The following NARS2 variants were observed in gnomAD, a reference collection of about 807,000 sequenced individuals.
NARS2 encodes asparaginyl-tRNA synthetase 2, mitochondrial, also known as asparaginyl-tRNA synthetase.
A neutral mutation model predicts 62.9 loss-of-function variants in NARS2; 60 were observed. The ratio of observed to expected loss-of-function variants is 0.95; its 90% CI spans 0.77 to 1.18. The LOEUF (loss-of-function observed/expected upper bound fraction) is 1.18, where lower values mean the gene tolerates loss of function less well. NARS2 is among the 50% of genes most tolerant of loss of function. The pLI is 0.00. For synonymous variants in NARS2, 196 were observed against 200.0 expected (o/e 0.98, Z 0.17); for missense variants, 619 against 576.4 (o/e 1.07, Z -0.76).
intron 5 of NARS2, among the ~76,000 whole-genome samples, chr11:78,559,301 CAAAAAAAAAAAAAAA>C (rs10627726): frequency 3.4e-5 from 2 of 58,446 alleles, no homozygotes; most frequent in Admixed American, 3.0e-4. Flanking sequence ...GACTCCATCT[CAAAAAAAAAAAAAAA>C]AAAAAAAAAA....
intron 4 of NARS2, among the ~76,000 whole-genome samples, chr11:78,562,200 GA>G (rs960315271): frequency 1.3e-5 from 2 of 152,222 alleles, no homozygotes; most frequent in African/African-American, 4.8e-5. Flanking sequence ...GTCCAGGCAG[GA>G]TTGCTTGGGC....
intron 5 of NARS2, among the ~76,000 whole-genome samples, chr11:78,538,024 T>A (rs569789983): frequency 5.3e-5 from 8 of 152,288 alleles, no homozygotes; most frequent in Admixed American, 3.3e-4. Context: ...CTGTGTTGAG[T>A]AGCATGATGA....
chr11:78,568,959 T>C (rs1458862260), intron 2 of NARS2, among the ~76,000 whole-genome samples: 2 of 152,110 alleles, frequency 1.3e-5, no homozygotes, highest in African/African-American at 2.4e-5. Flanking sequence ...AAAATGGGAA[T>C]AGAGTTAAGA....
chr11:78,534,552 A>T (rs1179936034), intron 5 of NARS2, among the ~76,000 whole-genome samples: 2 of 152,212 alleles, frequency 1.3e-5, no homozygotes, highest in Non-Finnish European at 2.9e-5. Context: ...TGAGTGAATA[A>T]ATCAGAACTT....
chr11:78,480,891 C>T (rs1038743468), intron 7 of NARS2, among the ~76,000 whole-genome samples: 4 of 151,894 alleles, frequency 2.6e-5, no homozygotes, highest in Non-Finnish European at 4.4e-5. Context: ...CCATCTCAGC[C>T]CACTGCAGCC....
intron 11 of NARS2, 134 bp downstream of exon 11, chr11:78,465,742 A>C: frequency 9.9e-7 from 1 of 1,009,704 alleles, no homozygotes; most frequent in Non-Finnish European, 1.4e-6. Flanking sequence ...AAAAATTTTT[A>C]AGAGATGTCT....
chr11:78,534,344 G>C (rs1861589074), intron 5 of NARS2, among the ~76,000 whole-genome samples: 1 of 152,158 alleles, frequency 6.6e-6, no homozygotes, highest in Admixed American at 6.5e-5. Context: ...GTACTGACTG[G>C]CTTTTTAGTG....
chr11:78,523,033 A>G (rs1232945757), intron 6 of NARS2, among the ~76,000 whole-genome samples: 3 of 152,228 alleles, frequency 2.0e-5, no homozygotes, highest in Non-Finnish European at 2.9e-5. Context: ...TGCAAATCAT[A>G]TATTTAATAA....
intron 10 of NARS2, among the ~76,000 whole-genome samples, chr11:78,466,272 C>A (rs564227138): frequency 6.7e-6 from 1 of 149,570 alleles, no homozygotes; most frequent in Non-Finnish European, 1.5e-5. Flanking sequence ...TCCCCCACCC[C>A]CACCCCCCAG....
chr11:78,557,349 C>T (rs1183586872), intron 5 of NARS2, among the ~76,000 whole-genome samples: 1 of 152,158 alleles, frequency 6.6e-6, no homozygotes, highest in South Asian at 2.1e-4. Context: ...AATTCTTATG[C>T]TTCTACAGGC....
intron 6 of NARS2, among the ~76,000 whole-genome samples, chr11:78,500,181 T>C (rs567365213): frequency 5.9e-4 from 90 of 152,306 alleles, no homozygotes; most frequent in African/African-American, 2.0e-3. Flanking sequence ...GATGACTCAC[T>C]TTTTTAAGGT....
intron 2 of NARS2, among the ~76,000 whole-genome samples, chr11:78,570,017 T>C (rs1856866611): frequency 6.6e-6 from 1 of 152,100 alleles, no homozygotes; most frequent in African/African-American, 2.4e-5. Flanking sequence ...GGTAAAATTC[T>C]GTCTCTACTA....
chr11:78,453,371 C>T (rs1858040746), intron 11 of NARS2, among the ~76,000 whole-genome samples: 1 of 152,080 alleles, frequency 6.6e-6, no homozygotes, highest in Admixed American at 6.6e-5. Context: ...TCAAGCTGAA[C>T]AAACCCTGAT....
At chr11:78,568,481 C>T in intron 3 of NARS2, 151 bp downstream of exon 3, 3 of 831,284 alleles carry the variant, frequency 3.6e-6, no homozygotes, top group Non-Finnish European at 5.3e-6. Context: ...ATAATTTTTG[C>T]TACTGCCTCT....
intron 5 of NARS2, among the ~76,000 whole-genome samples, chr11:78,549,240 C>T (rs534641328): frequency 6.6e-6 from 1 of 152,330 alleles, no homozygotes; most frequent in Non-Finnish European, 1.5e-5. Context: ...GAGAGACAAG[C>T]CAAGAAACCT....
chr11:78,540,859 A>G lies in NARS2; in HGVS notation c.595-11923T>C, dbSNP rs536963055. On this transcript the variant is annotated intron_variant, in intron 5 of 13. Transcript: ENST00000281038. ...TTTCACGATACAGATAGTAAAGAAT[A>G]AAAAAATCTAAGTTAGATAAAACTT... is the stretch of plus-strand genomic sequence containing the variant. Among the ~76,000 whole-genome samples, 6 of 152,340 alleles carry G rather than the reference A, an allele frequency of 3.9e-5. No homozygotes were observed. In the East Asian group the frequency reaches 1.2e-3, roughly 29 times the overall value.
intron 6 of NARS2, among the ~76,000 whole-genome samples, chr11:78,503,462 T>C (rs1429212055): frequency 6.6e-6 from 1 of 152,124 alleles, no homozygotes; most frequent in African/African-American, 2.4e-5. Flanking sequence ...GGTATTGAAC[T>C]CCTGACCTCA....
intron 6 of NARS2, among the ~76,000 whole-genome samples, chr11:78,504,434 GT>G (rs758781275): frequency 0.42 from 25,574 of 61,232 alleles, 2,184 homozygotes; most frequent in South Asian, 0.47. Flanking sequence ...CAAAACACCA[GT>G]TTTTTTTTTT....
chr11:78,554,033 G>A (rs1856233508), intron 5 of NARS2, among the ~76,000 whole-genome samples: 1 of 152,174 alleles, frequency 6.6e-6, no homozygotes, highest in Non-Finnish European at 1.5e-5. Flanking sequence ...CAGCTTTGGG[G>A]AGGATCAGAT....
Sources: allele counts gnomAD v4.1 joint callset (sites outside exome capture counted in the v4.1 genomes callset), GRCh38; gene constraint gnomAD v4.1.1; transcripts MANE v1.5; gene names NCBI Gene and HGNC (gene_info 2026-07-23, HGNC 2026-07-21).